The following HSP90B1 variants were observed in gnomAD, a reference collection of about 807,000 sequenced individuals.
HSP90B1 encodes heat shock protein 90 beta family member 1, also known as endoplasmin.
A neutral mutation model predicts 100.4 loss-of-function variants in HSP90B1; 27 were observed. That is an observed-to-expected ratio of 0.27 (90% CI 0.20 to 0.37). HSP90B1 has a LOEUF of 0.37. HSP90B1 is among the 10% of genes least tolerant of loss of function. HSP90B1 has a pLI of 1.00. For synonymous variants in HSP90B1, 304 were observed against 330.8 expected, an observed-to-expected ratio of 0.92 and a Z score of 0.88; for missense variants, 678 against 960.5, an observed-to-expected ratio of 0.71 and a Z score of 3.89.
intron 4 of HSP90B1, among the ~76,000 whole-genome samples, chr12:103,933,530 C>G (rs1029856135): frequency 6.6e-6 from 1 of 152,236 alleles, no homozygotes; most frequent in Admixed American, 6.5e-5. Context: ...AAGTAGAGTA[C>G]TCCTAAGTTT....
chr12:103,941,672 T>C lies in HSP90B1; in HGVS notation c.1274T>C (p.Met425Thr), dbSNP rs754033382. The change falls in exon 10 of 18, where the codon ATG (methionine) becomes ACG (threonine). Residue 425 changes from methionine (M) to threonine (T), a missense_variant. Coordinates refer to ENST00000299767, the MANE Select transcript of HSP90B1 (RefSeq NM_003299.3). ...TTCATCACAGACGACTTCCATGATATGATGCCTAAATACCTCAATTTTGTC... is the reference window on the plus strand; with the variant it reads ...TTCATCACAGACGACTTCCATGATACGATGCCTAAATACCTCAATTTTGTC... ...RVFITDDFHD[M>T]MPKYLNFVKG... The C allele has an allele frequency of 1.9e-6, 3 of 1,614,198 alleles. No individual in the cohort carries two copies. The highest frequency in any genetic ancestry group is 2.2e-5 in the South Asian group (2 of 91,086).
chr12:103,941,304 G>C, intron 8 of HSP90B1, 106 bp from the exon 9 acceptor site: 1 of 1,151,838 alleles, frequency 8.7e-7, no homozygotes, highest in South Asian at 1.8e-5. Flanking sequence ...AAAATTTTTT[G>C]TTAGTTAATT....
At chr12:103,939,949 C>T (rs1446151616) in intron 8 of HSP90B1, among the ~76,000 whole-genome samples, 2 of 152,200 alleles carry the variant, frequency 1.3e-5, no homozygotes, top group African/African-American at 4.8e-5. Context: ...TTCAAAATTG[C>T]AGCAGTTATT....
rs1276672968 is a variant in HSP90B1 at position 103,932,948 on chromosome 12, T to G, written c.411+6T>G. 7.4e-7 allele frequency: 1 copy of G among 1,358,456 alleles called. No homozygotes were observed. Among genetic ancestry groups the G allele is most frequent in the Non-Finnish European group, 1.1e-6 (1 of 948,286 alleles). 84.2% of individuals were successfully genotyped at this position (1,358,456 alleles called of 1,614,324 possible). On this transcript the variant is annotated splice_donor_region_variant and intron_variant, in intron 4 of 17. Transcript: ENST00000299767. ...AACTAACAGTCAAAATTAAGGTAAGTGTAAGGCAGTTTTTCTTTCTTTTAA... is the reference window on the plus strand; with the variant it reads ...AACTAACAGTCAAAATTAAGGTAAGGGTAAGGCAGTTTTTCTTTCTTTTAA...
chr12:103,943,453 T>C lies in HSP90B1; in HGVS notation c.1890+134T>C. 1.2e-6 allele frequency: 1 copy of C among 831,168 alleles called. No individual in the cohort carries two copies. Among genetic ancestry groups the C allele is most frequent in the Non-Finnish European group, 1.9e-6 (1 of 535,982 alleles). 51.5% of individuals were successfully genotyped at this position (831,168 alleles called of 1,614,324 possible). A position where few individuals can be genotyped will look rare whatever the true frequency, so the allele number is the denominator to read the frequency against. ...TAAAAATTTAATTAATGTAATTAAA[T>C]TATTGGGAGAAAGCTTAAAACTTTC... On this transcript the variant is annotated intron_variant, in intron 13 of 17. Transcript: ENST00000299767. The surrounding 1 kb of genome is among the most constrained non-coding windows in gnomAD (Gnocchi z 5.3).
chr12:103,943,849 C>T lies in HSP90B1; in HGVS notation c.2002C>T (p.Gln668Ter). The T allele has an allele frequency of 6.2e-7, 1 of 1,613,938 alleles. No homozygotes were observed. Among genetic ancestry groups the T allele is most frequent in the Non-Finnish European group, 8.5e-7 (1 of 1,179,936 alleles). Reference sequence around the variant, plus strand: ...GAGAATCATGAAAGCACAAGCGTACCAAACGGGCAAGGACATCTCTACAAA... The same window carrying T: ...GAGAATCATGAAAGCACAAGCGTACTAAACGGGCAAGGACATCTCTACAAA... ...MERIMKAQAY[Q>*]TGKDISTNYY... Residue 668 changes from glutamine (Q) to a stop codon, truncating the protein, a stop_gained, in exon 14 of 18, where the codon CAA becomes TAA. Transcript: ENST00000299767. LOFTEE classifies it high-confidence loss of function. The surrounding 1 kb of genome is among the most constrained non-coding windows in gnomAD (Gnocchi z 5.3).
Position 103,938,418 on chromosome 12 carries a change from G to C in HSP90B1, c.934G>C (p.Val312Leu). 1.3e-6 allele frequency: 2 copies of C among 1,599,332 alleles called. No homozygotes were observed. The highest frequency in any genetic ancestry group is 1.7e-6 in the Non-Finnish European group (2 of 1,168,104). ...EKEESDDEAA[V>L]EEEEEEKKPK... ...AGAAGAATCTGATGATGAAGCTGCA[G>C]TAGAGGAAGAAGAAGAAGAAAAGAA... is the stretch of plus-strand genomic sequence containing the variant. The change falls in exon 7 of 18, where the codon GTA (valine) becomes CTA (leucine). Residue 312 changes from valine to leucine, a missense_variant. Physicochemically the swap from Val to Leu is conservative, Grantham distance 32. Around this residue, in one of 8 missense-constraint regions of HSP90B1, gnomAD observed 238 missense variants for 346.7 expected, o/e 0.69. Transcript: ENST00000299767.
At chr12:103,936,310 A>G (rs966891430) in intron 5 of HSP90B1, among the ~76,000 whole-genome samples, 1 of 152,098 alleles carries the variant, frequency 6.6e-6, no homozygotes, top group African/African-American at 2.4e-5. Context: ...ACATGTCCCA[A>G]CTCTGTTTAG....
intron 8 of HSP90B1, among the ~76,000 whole-genome samples, chr12:103,941,111 C>T (rs1225651239): frequency 1.3e-5 from 2 of 152,108 alleles, no homozygotes; most frequent in Non-Finnish European, 2.9e-5. Flanking sequence ...TTCTCTCATA[C>T]GTAAGAAGTA....
intron 12 of HSP90B1, 104 bp downstream of exon 12, chr12:103,942,900 G>GT: frequency 6.9e-7 from 1 of 1,442,656 alleles, no homozygotes; most frequent in South Asian, 1.3e-5. Flanking sequence ...TGTAACTGGA[G>GT]TAGTTATAAG....
rs769189676 is a variant in HSP90B1 at position 103,930,457 on chromosome 12, T to TG, written c.-53dup. 2.4e-5 allele frequency: 28 copies of TG among 1,156,824 alleles called. No individual in the cohort carries two copies. Among genetic ancestry groups the TG allele is most frequent in the African/African-American group, 4.4e-5 (3 of 67,432 alleles). 71.7% of individuals were successfully genotyped at this position (1,156,824 alleles called of 1,614,324 possible). A position where few individuals can be genotyped will look rare whatever the true frequency, so the allele number is the denominator to read the frequency against. On this transcript the variant is annotated 5_prime_UTR_variant, in exon 1 of 18. Transcript: ENST00000299767. The surrounding 1 kb of genome is among the most constrained non-coding windows in gnomAD (Gnocchi z 4.4). The stretch of plus-strand genomic sequence containing the variant: ...AGGTGTGAGGATCCGAACCCAGGGG[T>TG]GGGGGGTGGAGGCGGCTCCTGCGAT...
chr12:103,931,679 A>ACGGTCACTTCTTATGTATCTCTTCTC, intron 2 of HSP90B1, 56 bp downstream of exon 2: 1 of 1,240,506 alleles, frequency 8.1e-7, no homozygotes, highest in Non-Finnish European at 1.2e-6. Context: ...CTTGTGAGTT[A>ACGGTCACTTCTTATGTATCTCTTCTC]CGGTCACTTC....
chr12:103,936,874 T>C (rs1869935401), intron 5 of HSP90B1, among the ~76,000 whole-genome samples: 1 of 152,186 alleles, frequency 6.6e-6, no homozygotes, highest in Non-Finnish European at 1.5e-5. Flanking sequence ...CACTAGGCTT[T>C]GTCATATCAT....
rs956599802 is a variant in HSP90B1, at chr12:103,930,996, G to A, written c.49+432G>A. Among the ~76,000 whole-genome samples the A allele has an allele frequency of 1.3e-5, 2 of 152,196 alleles. No homozygotes were observed. Among genetic ancestry groups the A allele is most frequent in the Non-Finnish European group, 2.9e-5 (2 of 68,036 alleles). ...CCCTTCTTAGATGCTGGCCTCGGGA[G>A]CGTGAGGCCTGGGGCCAGCGGAATG... On this transcript the variant is annotated intron_variant, in intron 1 of 17. Transcript: ENST00000299767. The surrounding 1 kb of genome is among the most constrained non-coding windows in gnomAD (Gnocchi z 4.4).
Position 103,946,631 on chromosome 12 carries a change from C to G in HSP90B1, c.2041C>G (p.Gln681Glu). ...ATCTCTTAACAGTTACTATGCGAGT[C>G]AGAAGAAAACATTTGAAATTAATCC... ...KDISTNYYAS[Q>E]KKTFEINPRH... The change falls in exon 15 of 18, where the codon CAG becomes GAG. Residue 681 changes from glutamine (Q) to glutamate (E), a missense_variant. Physicochemically the swap from Gln to Glu is conservative, Grantham distance 29. Around this residue, in one of 8 missense-constraint regions of HSP90B1, gnomAD observed 64 missense variants for 66.4 expected, o/e 0.96. Coordinates refer to ENST00000299767, the MANE Select transcript of HSP90B1 (RefSeq NM_003299.3). 1 of 1,612,808 alleles carries G rather than the reference C, an allele frequency of 6.2e-7. No individual in the cohort carries two copies.
intron 7 of HSP90B1, 29 bp from the exon 8 acceptor site, chr12:103,939,480 A>G (rs1435557303): frequency 2.0e-6 from 2 of 1,018,522 alleles, no homozygotes; most frequent in Non-Finnish European, 1.5e-6. Flanking sequence ...GTGCTGAGAG[A>G]GACTAATCAA....
At chr12:103,946,481 T>C (rs1365973657) in intron 14 of HSP90B1, 137 bp from the exon 15 acceptor site, 1 of 637,362 alleles carries the variant, frequency 1.6e-6, no homozygotes, top group Admixed American at 2.9e-5. Context: ...AAACCTGTGG[T>C]GTTCAAGTGT....
intron 4 of HSP90B1, 55 bp downstream of exon 4, chr12:103,932,997 G>C (rs1869810802): frequency 1.1e-6 from 1 of 919,576 alleles, no homozygotes; most frequent in African/African-American, 1.6e-5. Context: ...CTTAAAGGTA[G>C]AGGATCCCTA....
In HSP90B1 at chr12:103,930,445, C is replaced by T. The variant is rs781727525; in HGVS notation, c.-71C>T. 4 of 1,472,858 alleles carry T rather than the reference C, an allele frequency of 2.7e-6. No individual in the cohort carries two copies. Among genetic ancestry groups the T allele is most frequent in the Middle Eastern group, 3.6e-4 (2 of 5,608 alleles). The allele number at this position is 1,472,858 out of a possible 1,614,324, so 91.2% of individuals were successfully genotyped here. ...CCGCGCGGCTGGAGGTGTGAGGATC[C>T]GAACCCAGGGGTGGGGGGTGGAGGC... On this transcript the variant is annotated 5_prime_UTR_variant, in exon 1 of 18. Coordinates refer to ENST00000299767, the MANE Select transcript of HSP90B1 (RefSeq NM_003299.3). The surrounding 1 kb of genome is among the most constrained non-coding windows in gnomAD (Gnocchi z 4.4).
Sources: allele counts gnomAD v4.1 joint callset (sites outside exome capture counted in the v4.1 genomes callset), GRCh38; gene constraint gnomAD v4.1.1; regional missense constraint gnomAD v4.1.1; non-coding constraint Gnocchi (gnomAD v3.1); transcripts MANE v1.5; gene names NCBI Gene and HGNC (gene_info 2026-07-23, HGNC 2026-07-21).